The following SYPL2 variants were observed in gnomAD, a reference collection of about 807,000 sequenced individuals.
SYPL2 encodes the protein synaptophysin-like protein 2.
SYPL2 carries 24 observed loss-of-function variants against 31.3 expected under a neutral mutation model. That is an observed-to-expected ratio of 0.77 (90% CI 0.56 to 1.08). The LOEUF (loss-of-function observed/expected upper bound fraction) is 1.08, where lower values mean the gene tolerates loss of function less well. Among genes scored for constraint, SYPL2 ranks in the 50% least tolerant of loss-of-function variants. The pLI is 0.00. For missense variants in SYPL2, 342 were observed against 360.1 expected, an observed-to-expected ratio of 0.95 and a Z score of 0.41; for synonymous variants, 144 against 143.1, an observed-to-expected ratio of 1.01 and a Z score of -0.05.
In SYPL2 at chr1:109,479,410, C is replaced by G; in HGVS notation, c.681C>G (p.Ala227=). 1 of 1,614,106 alleles carries G rather than the reference C, an allele frequency of 6.2e-7. No homozygotes were observed. Among genetic ancestry groups the G allele is most frequent in the South Asian group, 1.1e-5 (1 of 91,076 alleles). ...LFGFINFFLW[A]GNCWFVFKET... is the part of the protein sequence containing the mutation. ...GCTTTATCAACTTCTTCCTGTGGGCCGGGAACTGTTGGTTTGTGTTCAAGG... is the reference window on the plus strand; with the variant it reads ...GCTTTATCAACTTCTTCCTGTGGGCGGGGAACTGTTGGTTTGTGTTCAAGG... Residue 227 remains alanine (A), a synonymous_variant, in exon 6 of 6, where the codon GCC becomes GCG. Coordinates refer to ENST00000369872, the MANE Select transcript of SYPL2 (RefSeq NM_001040709.2).
Position 109,476,930 on chromosome 1 carries a change from C to T in SYPL2, c.409C>T (p.Leu137=), listed in dbSNP as rs1284869352. The T allele has an allele frequency of 5.6e-6, 9 of 1,614,200 alleles. No homozygotes were observed. Among genetic ancestry groups the T allele is most frequent in the Non-Finnish European group, 7.6e-6 (9 of 1,180,038 alleles). ...FYTMAALVIY[L]RFHNLYTENK... is the part of the protein sequence containing the mutation. ...TACCATGGCTGCCCTAGTTATCTAC[C>T]TGCGCTTCCACAACCTCTACACAGA... is the stretch of plus-strand genomic sequence containing the variant. Residue 137 remains leucine, a synonymous_variant, in exon 4 of 6, where the codon CTG becomes TTG. Coordinates refer to ENST00000369872, the MANE Select transcript of SYPL2 (RefSeq NM_001040709.2).
rs1381556092 is a variant in SYPL2, at chr1:109,480,037, C to T, written c.*489C>T. 3 of 156,626 alleles carry T rather than the reference C, an allele frequency of 1.9e-5. No homozygotes were observed. Among genetic ancestry groups the T allele is most frequent in the African/African-American group, 7.2e-5 (3 of 41,494 alleles). The allele number at this position is 156,626 out of a possible 1,614,324, so 9.7% of individuals were successfully genotyped here. On this transcript the variant is annotated 3_prime_UTR_variant, in exon 6 of 6. Coordinates refer to ENST00000369872, the MANE Select transcript of SYPL2 (RefSeq NM_001040709.2). ...GCGACCCCTCCTCAGTGGCTGTCAT[C>T]TAGTCCCTGCGTCTGATCTCCAGTC...
At chr1:109,477,020 T>C (rs1441496899) in intron 4 of SYPL2, 43 bp downstream of exon 4, 2 of 1,610,030 alleles carry the variant, frequency 1.2e-6, no homozygotes, top group Admixed American at 1.7e-5. Context: ...GAGAAACAGA[T>C]GTTTGTGAGG....
chr1:109,473,893 T>TAAA (rs5776978), intron 2 of SYPL2, among the ~76,000 whole-genome samples: 2 of 138,380 alleles, frequency 1.4e-5, no homozygotes, highest in Non-Finnish European at 1.6e-5. Context: ...AGACTCCATC[T>TAAA]AAAAAAAAAA....
rs1656172343 is a variant in SYPL2, at chr1:109,481,956, C to G, written c.*2408C>G. On this transcript the variant is annotated 3_prime_UTR_variant, in exon 6 of 6. Coordinates refer to ENST00000369872, the MANE Select transcript of SYPL2 (RefSeq NM_001040709.2). ...GCCCTTTGTCCCACTAGACTCTAAC[C>G]CAGCACCAGGGTGCCCACCTAGGAC... The G allele has an allele frequency of 6.6e-6, 1 of 152,594 alleles. No homozygotes were observed. The highest frequency in any genetic ancestry group is 2.4e-5 in the African/African-American group (1 of 41,422). The allele number at this position is 152,594 out of a possible 1,614,324, so 9.5% of individuals were successfully genotyped here.
At chr1:109,476,545 T>C (rs1026932896) in intron 3 of SYPL2, among the ~76,000 whole-genome samples, 1 of 151,808 alleles carries the variant, frequency 6.6e-6, no homozygotes, top group African/African-American at 2.4e-5. Context: ...CTGGGCAGGG[T>C]AGATGAGTGG....
At chr1:109,467,215 C>T in intron 2 of SYPL2, 82 bp downstream of exon 2, 1 of 752,770 alleles carries the variant, frequency 1.3e-6, no homozygotes, top group Non-Finnish European at 1.7e-6. Flanking sequence ...AGGGTGGGGG[C>T]TGGGGAGGTG....
chr1:109,472,127 TTC>T (rs1255662198), intron 2 of SYPL2, among the ~76,000 whole-genome samples: 1 of 152,008 alleles, frequency 6.6e-6, no homozygotes, highest in Non-Finnish European at 1.5e-5. Context: ...GATTTTGTTA[TTC>T]TTTTTCTTTT....
rs900987299 is a variant in SYPL2, at chr1:109,479,854, C to T, written c.*306C>T. ...AGTCTCTGAGAACCAGCCTCTGCTG[C>T]AGGTGAGGGTTGGGGGCAGGAAACC... On this transcript the variant is annotated 3_prime_UTR_variant, in exon 6 of 6. Coordinates refer to ENST00000369872, the MANE Select transcript of SYPL2 (RefSeq NM_001040709.2). The T allele has an allele frequency of 2.4e-5, 8 of 336,508 alleles. No homozygotes were observed. Among genetic ancestry groups the T allele is most frequent in the Non-Finnish European group, 4.3e-5 (8 of 184,314 alleles). The allele number at this position is 336,508 out of a possible 1,614,324, so 20.8% of individuals were successfully genotyped here.
At position 109,478,049 on chromosome 1, in the gene SYPL2, G is replaced by C. The variant is rs1571066345; in HGVS notation, c.648+40G>C. 2 of 1,608,844 alleles carry C rather than the reference G, an allele frequency of 1.2e-6. No homozygotes were observed. The highest frequency in any genetic ancestry group is 4.5e-5 in the East Asian group (2 of 44,756). ...CACTGCAGGAAGCAGCACCAGCCCT[G>C]CTGCCCAGGCCTGTCCCAGCTAGCA... On this transcript the variant is annotated intron_variant, in intron 5 of 5. Transcript: ENST00000369872. This position sits in a 1 kb window ranked among gnomAD's most constrained non-coding sequence, Gnocchi z 4.0.
intron 2 of SYPL2, among the ~76,000 whole-genome samples, chr1:109,472,500 G>A (rs1655863435): frequency 6.6e-6 from 1 of 151,774 alleles, no homozygotes; most frequent in Admixed American, 6.6e-5. Context: ...TTATCTTTCT[G>A]TAGATGCTCA....
In SYPL2 at chr1:109,466,814, C is replaced by A. The variant is rs1433144469; in HGVS notation, c.-30C>A. 1 of 1,509,696 alleles carries A rather than the reference C, an allele frequency of 6.6e-7. No homozygotes were observed. The highest frequency in any genetic ancestry group is 8.8e-7 in the Non-Finnish European group (1 of 1,136,422). The allele number at this position is 1,509,696 out of a possible 1,614,324, so 93.5% of individuals were successfully genotyped here. The stretch of plus-strand genomic sequence containing the variant: ...CCTCCCGGCCAGAGAGCCAAGCCAC[C>A]ACGCCGCGCCCAGCGCTCGCCGCGC... On this transcript the variant is annotated 5_prime_UTR_variant, in exon 1 of 6. Transcript: ENST00000369872.
intron 2 of SYPL2, 132 bp from the exon 3 acceptor site, chr1:109,475,449 C>T (rs145899704): frequency 8.5e-6 from 11 of 1,293,656 alleles, no homozygotes; most frequent in African/African-American, 6.0e-5. Flanking sequence ...CTAGGAAGAA[C>T]TTGATTAAAG....
rs1167654284 is a variant in SYPL2 at position 109,476,245 on chromosome 1, C to T, written c.255-531C>T. Among the ~76,000 whole-genome samples the T allele has an allele frequency of 2.6e-5, 4 of 152,152 alleles. No homozygotes were observed. In the East Asian group the frequency reaches 7.7e-4, roughly 29 times the overall value. On this transcript the variant is annotated intron_variant, in intron 3 of 5. Transcript: ENST00000369872. Reference sequence around the variant, plus strand: ...TGTTCAGGGGAAAATGGGGATGAGGCTCACCTTTTCAGAAATTTCTAGTAT... The same window carrying T: ...TGTTCAGGGGAAAATGGGGATGAGGTTCACCTTTTCAGAAATTTCTAGTAT...
intron 2 of SYPL2, 121 bp downstream of exon 2, chr1:109,467,254 G>T: frequency 1.3e-6 from 1 of 743,322 alleles, no homozygotes; most frequent in South Asian, 1.9e-5. Context: ...GGAAGGGTGG[G>T]GGGCGGCGAC....
Position 109,466,724 on chromosome 1 carries a change from C to G in SYPL2, c.-120C>G. The G allele has an allele frequency of 6.1e-6, 7 of 1,141,024 alleles. No homozygotes were observed. The highest frequency in any genetic ancestry group is 8.0e-6 in the Non-Finnish European group (7 of 876,976). The allele number at this position is 1,141,024 out of a possible 1,614,324, so 70.7% of individuals were successfully genotyped here. A position where few individuals can be genotyped will look rare whatever the true frequency, so the allele number is the denominator to read the frequency against. On this transcript the variant is annotated 5_prime_UTR_variant, in exon 1 of 6. Transcript: ENST00000369872. ...TCCGGCCCACCGACGGCCGCTCGCG[C>G]TCCGGCCCCGCTCGCCTGCTCTGCC...
At chr1:109,472,156 G>A (rs518697) in intron 2 of SYPL2, among the ~76,000 whole-genome samples, 102,578 of 151,750 alleles carry the variant, frequency 0.68, 35,415 homozygotes, top group East Asian at 0.96. Context: ...ATAGGGTCTC[G>A]CTCTGTCACC....
chr1:109,479,048 G>C (rs993093090), intron 5 of SYPL2, among the ~76,000 whole-genome samples: 1 of 152,200 alleles, frequency 6.6e-6, no homozygotes, highest in Admixed American at 6.5e-5. Context: ...GGCCTCACGC[G>C]TGCTGTGGGA....
intron 2 of SYPL2, among the ~76,000 whole-genome samples, chr1:109,470,692 C>T (rs1340068352): frequency 2.0e-5 from 3 of 152,140 alleles, no homozygotes. Context: ...TCCTTCTCTT[C>T]TCTGTGTCTC....
Sources: allele counts gnomAD v4.1 joint callset (sites outside exome capture counted in the v4.1 genomes callset), GRCh38; gene constraint gnomAD v4.1.1; non-coding constraint Gnocchi (gnomAD v3.1); transcripts MANE v1.5; gene names NCBI Gene and HGNC (gene_info 2026-07-23, HGNC 2026-07-21).